The following EFL1 variants were observed in gnomAD, a reference collection of about 807,000 sequenced individuals.
EFL1 encodes elongation factor like GTPase 1.
EFL1 carries 76 observed loss-of-function variants against 126.7 expected under a neutral mutation model. That is an observed-to-expected ratio of 0.60 (90% CI 0.50 to 0.73). The LOEUF (loss-of-function observed/expected upper bound fraction) is 0.73. EFL1 is among the 30% of genes least tolerant of loss of function. The probability of loss-of-function intolerance (pLI) is 0.00; values close to 1 mark genes in which losing one functional copy is unlikely to be tolerated. For missense variants in EFL1, 1,128 were observed against 1,343.2 expected, an observed-to-expected ratio of 0.84 and a Z score of 2.50; for synonymous variants, 410 against 448.4, an observed-to-expected ratio of 0.91 and a Z score of 1.08.
intron 4 of EFL1, 141 bp downstream of exon 4, chr15:82,252,550 T>C: frequency 1.4e-6 from 1 of 693,120 alleles, no homozygotes; most frequent in South Asian, 2.2e-5. Context: ...AGCCTGACTC[T>C]GACAACAGAT....
At chr15:82,154,542 CA>C (rs143219850) in intron 17 of EFL1, among the ~76,000 whole-genome samples, 10,256 of 152,166 alleles carry the variant, frequency 0.067, 511 homozygotes, top group African/African-American at 0.13. Flanking sequence ...GTGCACAAAA[CA>C]AAAATCTACT....
intron 13 of EFL1, 116 bp downstream of exon 13, chr15:82,219,962 A>G: frequency 1.3e-6 from 2 of 1,492,390 alleles, no homozygotes; most frequent in Non-Finnish European, 9.0e-7. Flanking sequence ...GAATGGAAAG[A>G]ATATTGATAA....
intron 15 of EFL1, among the ~76,000 whole-genome samples, chr15:82,213,527 C>T (rs1310263283): frequency 2.0e-5 from 3 of 152,178 alleles, no homozygotes; most frequent in African/African-American, 7.2e-5. Context: ...CAGTCTCATC[C>T]TCTACTAGGG....
At chr15:82,201,667 T>G (rs1485592279) in intron 15 of EFL1, among the ~76,000 whole-genome samples, 2 of 133,804 alleles carry the variant, frequency 1.5e-5, no homozygotes, top group African/African-American at 2.8e-5. Flanking sequence ...TAGAAGAACA[T>G]ATGCCCATTT....
At chr15:82,218,887 G>T (rs910046907) in intron 14 of EFL1, among the ~76,000 whole-genome samples, 1 of 152,058 alleles carries the variant, frequency 6.6e-6, no homozygotes, top group Non-Finnish European at 1.5e-5. Flanking sequence ...TCTCTCACTT[G>T]TAGCCAAGTA....
intron 18 of EFL1, among the ~76,000 whole-genome samples, chr15:82,146,020 A>G (rs1567039614): frequency 6.6e-6 from 1 of 152,132 alleles, no homozygotes; most frequent in African/African-American, 2.4e-5. Flanking sequence ...GTAAAACCTC[A>G]GCAATAATCA....
intron 14 of EFL1, among the ~76,000 whole-genome samples, chr15:82,216,969 G>A (rs1438486286): frequency 6.6e-6 from 1 of 152,048 alleles, no homozygotes; most frequent in African/African-American, 2.4e-5. Context: ...CATCTGAAAA[G>A]CAGTATTTAA....
At chr15:82,233,995 T>A (rs1301575979) in intron 7 of EFL1, among the ~76,000 whole-genome samples, 1 of 152,202 alleles carries the variant, frequency 6.6e-6, no homozygotes, top group South Asian at 2.1e-4. Flanking sequence ...AATCTCTAAA[T>A]CTGACCTTGT....
intron 15 of EFL1, 65 bp from the exon 16 acceptor site, chr15:82,164,049 A>G: frequency 6.3e-7 from 1 of 1,588,404 alleles, no homozygotes; most frequent in Non-Finnish European, 8.6e-7. Context: ...TGTCAGAAAA[A>G]CAGCAGCATC....
At chr15:82,225,931 T>C (rs182395673) in intron 11 of EFL1, among the ~76,000 whole-genome samples, 1 of 152,124 alleles carries the variant, frequency 6.6e-6, no homozygotes, top group Admixed American at 6.5e-5. Context: ...TTAAAATAAT[T>C]TATATATAAA....
intron 16 of EFL1, 86 bp from the exon 17 acceptor site, chr15:82,157,946 T>C: frequency 7.3e-7 from 1 of 1,364,294 alleles, no homozygotes; most frequent in Non-Finnish European, 9.9e-7. Context: ...GAAGGGAAAA[T>C]TACATTGAAA....
At chr15:82,224,758 T>C (rs1295503785) in intron 12 of EFL1, among the ~76,000 whole-genome samples, 2 of 152,204 alleles carry the variant, frequency 1.3e-5, no homozygotes, top group African/African-American at 4.8e-5. Flanking sequence ...CTCCTACACC[T>C]ATCACACCTG....
chr15:82,203,418 G>T (rs545159157), intron 15 of EFL1, among the ~76,000 whole-genome samples: 1 of 152,290 alleles, frequency 6.6e-6, no homozygotes, highest in African/African-American at 2.4e-5. Context: ...GCCCAAGCTG[G>T]AGTGCAGTGG....
In EFL1 at chr15:82,178,579, G is replaced by A. The variant is rs7175577; in HGVS notation, c.1751-14595C>T. Reference sequence around the variant, plus strand: ...TTGCCTTCCAAAGGTCTCAATCAGCGGAGCAATAGGGCTGGGCCAAAAGGC... The same window carrying A: ...TTGCCTTCCAAAGGTCTCAATCAGCAGAGCAATAGGGCTGGGCCAAAAGGC... On this transcript the variant is annotated intron_variant, in intron 15 of 19. Transcript: ENST00000268206. Among the ~76,000 whole-genome samples the A allele has an allele frequency of 2.5e-3, 374 of 152,296 alleles. 2 individuals are homozygous for A. The highest frequency in any genetic ancestry group is 8.0e-3 in the African/African-American group (333 of 41,568).
intron 15 of EFL1, among the ~76,000 whole-genome samples, chr15:82,214,448 C>T (rs187424873): frequency 1.3e-5 from 2 of 152,266 alleles, no homozygotes; most frequent in South Asian, 2.1e-4. Flanking sequence ...TTTCCCCTCT[C>T]GCTCTGAAAT....
chr15:82,210,008 C>G (rs147547489), intron 15 of EFL1, among the ~76,000 whole-genome samples: 1 of 152,046 alleles, frequency 6.6e-6, no homozygotes, highest in African/African-American at 2.4e-5. Flanking sequence ...ATATGGGTAC[C>G]GATCATATTG....
At chr15:82,163,283 T>C (rs1476280176) in intron 16 of EFL1, among the ~76,000 whole-genome samples, 1 of 152,224 alleles carries the variant, frequency 6.6e-6, no homozygotes, top group Non-Finnish European at 1.5e-5. Context: ...AGTTCACGCC[T>C]GTAATCCTAG....
chr15:82,239,344 G>A (rs1319881099), intron 6 of EFL1, among the ~76,000 whole-genome samples: 1 of 152,018 alleles, frequency 6.6e-6, no homozygotes, highest in Non-Finnish European at 1.5e-5. Context: ...CACCTTGTTC[G>A]ACAGGATGGT....
At chr15:82,160,917 A>C (rs1300342516) in intron 16 of EFL1, among the ~76,000 whole-genome samples, 1 of 152,232 alleles carries the variant, frequency 6.6e-6, no homozygotes, top group Non-Finnish European at 1.5e-5. Context: ...TGAGATAATC[A>C]ATGTAAAATC....
Sources: allele counts gnomAD v4.1 joint callset (sites outside exome capture counted in the v4.1 genomes callset), GRCh38; gene constraint gnomAD v4.1.1; transcripts MANE v1.5; gene names NCBI Gene and HGNC (gene_info 2026-07-23, HGNC 2026-07-21).